RBFOX3: variants seen among roughly 807,000 people sequenced by gnomAD.
RBFOX3 encodes the protein RNA binding protein fox-1 homolog 3.
A neutral mutation model predicts 48.7 loss-of-function variants in RBFOX3; 17 were observed. The ratio of observed to expected loss-of-function variants is 0.35; its 90% CI spans 0.24 to 0.52. RBFOX3 has a LOEUF of 0.52. Among genes scored for constraint, RBFOX3 ranks in the 20% least tolerant of loss-of-function variants. The pLI is 0.94. For missense variants in RBFOX3, 382 were observed against 497.5 expected, an observed-to-expected ratio of 0.77 and a Z score of 2.21; for synonymous variants, 212 against 209.5, an observed-to-expected ratio of 1.01 and a Z score of -0.10.
the RBFOX3 span, among the ~76,000 whole-genome samples, chr17:79,653,707 G>C: frequency 7.9e-5 from 12 of 151,964 alleles, no homozygotes; most frequent in East Asian, 3.9e-4. Flanking sequence ...AGAGAATGCT[G>C]GTGTTTATTA....
Position 79,440,188 on chromosome 17 carries a change from T to C in RBFOX3, c.-175+42266A>G, listed in dbSNP as rs1488585923. On this transcript the variant is annotated intron_variant, in intron 2 of 14. Coordinates refer to ENST00000693108, the MANE Select transcript of RBFOX3 (RefSeq NM_001350451.2). ...GATAAAGCCGTGTCTAATTTGCAGC[T>C]GAAGCAGGCACACTGTTTACCTGTT... Among the ~76,000 whole-genome samples the C allele has an allele frequency of 2.6e-5, 4 of 152,188 alleles. No individual in the cohort carries two copies. The East Asian group carries it at 7.7e-4, about 29-fold the overall frequency.
At chr17:79,451,963 A>AG (rs34013438) in intron 2 of RBFOX3, among the ~76,000 whole-genome samples, 3 of 152,160 alleles carry the variant, frequency 2.0e-5, no homozygotes, top group African/African-American at 7.2e-5. Context: ...CACAAATTAC[A>AG]GGGGGGTACC....
intron 1 of RBFOX3, among the ~76,000 whole-genome samples, chr17:79,532,589 C>T (rs985164857): frequency 5.9e-5 from 9 of 152,308 alleles, no homozygotes; most frequent in Non-Finnish European, 8.8e-5. Context: ...CAGAGGCCCA[C>T]ACTCCAGGCT....
At chr17:79,501,297 C>T (rs1306456203) in intron 1 of RBFOX3, among the ~76,000 whole-genome samples, 5 of 152,236 alleles carry the variant, frequency 3.3e-5, no homozygotes, top group South Asian at 2.1e-4. Flanking sequence ...CGGGCTCAGC[C>T]GCCCTGCCAC....
intron 2 of RBFOX3, among the ~76,000 whole-genome samples, chr17:79,397,231 C>T (rs758815314): frequency 6.6e-6 from 1 of 152,122 alleles, no homozygotes; most frequent in Non-Finnish European, 1.5e-5. Flanking sequence ...GCCTGAAATC[C>T]CAGCACTTTG....
At chr17:79,228,211 G>A (rs770106550) in intron 4 of RBFOX3, among the ~76,000 whole-genome samples, 2 of 152,150 alleles carry the variant, frequency 1.3e-5, no homozygotes, top group East Asian at 1.9e-4. Flanking sequence ...GGCGCTATCC[G>A]TGGGCTCTCC....
Position 79,463,081 on chromosome 17 carries a change from C to T in RBFOX3, c.-175+19373G>A, listed in dbSNP as rs561966689. Among the ~76,000 whole-genome samples, 529 of 146,568 alleles carry T rather than the reference C, an allele frequency of 3.6e-3. 4 individuals carry two copies. Among genetic ancestry groups the T allele is most frequent in the African/African-American group, 0.013 (504 of 39,312 alleles). ...CCGCCATCGCCACTGCCACCTCCAC[C>T]GACTTTGCCACTGCCACCTCCACCG... is the stretch of plus-strand genomic sequence containing the variant. On this transcript the variant is annotated intron_variant, in intron 2 of 14. Coordinates refer to ENST00000693108, the MANE Select transcript of RBFOX3 (RefSeq NM_001350451.2).
In RBFOX3 at chr17:79,336,657, G is replaced by A. The variant is rs560165091; in HGVS notation, c.-174-28833C>T. 2.6e-5 allele frequency among the ~76,000 whole-genome samples: 4 copies of A among 152,246 alleles called. No homozygotes were observed. The South Asian group carries it at 6.2e-4, about 24-fold the overall frequency. ...TAAAGACGGTGCTGTCCTCAGGCCC[G>A]ATCCCAGCCCTGGCTCAACCAAGGG... On this transcript the variant is annotated intron_variant, in intron 2 of 14. Coordinates refer to ENST00000693108, the MANE Select transcript of RBFOX3 (RefSeq NM_001350451.2).
chr17:79,177,520 C>G (rs1009246065), intron 4 of RBFOX3, among the ~76,000 whole-genome samples: 7 of 152,192 alleles, frequency 4.6e-5, no homozygotes, highest in Admixed American at 4.6e-4. Flanking sequence ...TGGCCGTCAG[C>G]TTACCCCCCT....
intron 2 of RBFOX3, among the ~76,000 whole-genome samples, chr17:79,388,215 G>A (rs1346965934): frequency 6.6e-6 from 1 of 152,222 alleles, no homozygotes; most frequent in African/African-American, 2.4e-5. Flanking sequence ...CAGCCCCCAT[G>A]TGCTCCATGG....
intron 2 of RBFOX3, among the ~76,000 whole-genome samples, chr17:79,470,449 C>T (rs1351823635): frequency 1.3e-5 from 2 of 152,148 alleles, no homozygotes; most frequent in Admixed American, 6.5e-5. Flanking sequence ...GAAATGTCGC[C>T]ACATTATAAG....
chr17:79,446,985 C>G (rs914787347), intron 2 of RBFOX3, among the ~76,000 whole-genome samples: 1 of 152,256 alleles, frequency 6.6e-6, no homozygotes, highest in Admixed American at 6.5e-5. Context: ...CCCTGCAACA[C>G]GAGTACCTGA....
chr17:79,613,942 ACT>A (rs1185464380), upstream of RBFOX3, among the ~76,000 whole-genome samples: 1,591 of 152,296 alleles, frequency 0.01, 25 homozygotes, highest in African/African-American at 0.036. Context: ...CCACTGTACT[ACT>A]CCAGCCTGGA....
intron 2 of RBFOX3, among the ~76,000 whole-genome samples, chr17:79,425,710 C>T (rs531785123): frequency 1.9e-3 from 286 of 152,174 alleles, no homozygotes; most frequent in Non-Finnish European, 3.0e-3. Flanking sequence ...CCACGAATTC[C>T]GACTTAGAAG....
intron 1 of RBFOX3, among the ~76,000 whole-genome samples, chr17:79,550,920 T>G (rs1181134145): frequency 1.3e-5 from 2 of 152,230 alleles, no homozygotes; most frequent in African/African-American, 4.8e-5. Flanking sequence ...GGACTTGGTA[T>G]ATTCTACATC....
intron 1 of RBFOX3, among the ~76,000 whole-genome samples, chr17:79,521,388 TCA>T (rs1318698636): frequency 2.7e-5 from 4 of 149,264 alleles, no homozygotes; most frequent in African/African-American, 9.9e-5. Context: ...AGGCACAAAC[TCA>T]CATACACAGA....
At chr17:79,310,058 AG>A (rs2076632758) in intron 2 of RBFOX3, among the ~76,000 whole-genome samples, 1 of 152,160 alleles carries the variant, frequency 6.6e-6, no homozygotes, top group East Asian at 1.9e-4. Context: ...TCCATACCGG[AG>A]CAGGGCCTGG....
rs1400171553 is a variant in RBFOX3 at position 79,361,983 on chromosome 17, T to C, written c.-174-54159A>G. Among the ~76,000 whole-genome samples the C allele has an allele frequency of 1.3e-5, 2 of 152,252 alleles. No homozygotes were observed. Among genetic ancestry groups the C allele is most frequent in the African/African-American group, 4.8e-5 (2 of 41,470 alleles). ...AATATGCAAGCGGTGTTGGCTCTTC[T>C]CCGAGATTCTTCGAGTCTCTCTGTA... On this transcript the variant is annotated intron_variant, in intron 2 of 14. Transcript: ENST00000693108. This position sits in a 1 kb window ranked among gnomAD's most constrained non-coding sequence, Gnocchi z 4.5.
chr17:79,249,717 C>G lies in RBFOX3; in HGVS notation c.-73-13912G>C, dbSNP rs748792458. The stretch of plus-strand genomic sequence containing the variant: ...CGTTCCTTCCTAGGGAAACCACAGT[C>G]AAGACCCCTGCCCCTGTGAACCCCC... On this transcript the variant is annotated intron_variant, in intron 3 of 14. Transcript: ENST00000693108. The surrounding 1 kb of genome is among the most constrained non-coding windows in gnomAD (Gnocchi z 4.1). 6.6e-6 allele frequency among the ~76,000 whole-genome samples: 1 copy of G among 152,128 alleles called. No homozygotes were observed. Among genetic ancestry groups the G allele is most frequent in the Non-Finnish European group, 1.5e-5 (1 of 68,042 alleles).
Sources: gnomAD v4.1 joint callset for allele counts (sites outside exome capture counted in the v4.1 genomes callset) on GRCh38, gnomAD v4.1.1 for gene constraint, Gnocchi (gnomAD v3.1) non-coding constraint, MANE v1.5 for transcripts, NCBI Gene and HGNC (gene_info 2026-07-23, HGNC 2026-07-21) for gene names.